Variants in USP43 observed in about 807,000 individuals in gnomAD.
The protein encoded by USP43 is ubiquitin specific peptidase 43, also known as ubiquitin carboxyl-terminal hydrolase 43.
A neutral mutation model predicts 90.7 loss-of-function variants in USP43; 33 were observed. The ratio of observed to expected loss-of-function variants is 0.36; its 90% CI spans 0.28 to 0.49. The LOEUF (loss-of-function observed/expected upper bound fraction) is 0.49, where lower values mean the gene tolerates loss of function less well. Ranked by LOEUF, USP43 falls within the 20% of genes least tolerant of loss-of-function variation. The probability of loss-of-function intolerance (pLI) is 0.98; values close to 1 mark genes in which losing one functional copy is unlikely to be tolerated. For missense variants in USP43, 1,274 were observed against 1,476.4 expected (o/e 0.86, Z 2.25); for synonymous variants, 598 against 615.8 (o/e 0.97, Z 0.43).
chr17:9,701,165 G>T lies in USP43; in HGVS notation c.1582G>T (p.Val528Leu). ...GGAGCGAGCGCAGGATGCCGACAGT[G>T]TGTGGCAGCAGCAGCAGGCGCATCA... ...QEERAQDADS[V>L]WQQQQAHQQH... Residue 528 changes from valine to leucine, a missense_variant, in exon 11 of 15, where the codon GTG becomes TTG. Val to Leu is a conservative substitution (Grantham distance 32). Around this residue, in one of 6 missense-constraint regions of USP43, gnomAD observed 253 missense variants for 276.0 expected, o/e 0.92. Transcript: ENST00000285199. The surrounding 1 kb of genome is among the most constrained non-coding windows in gnomAD (Gnocchi z 7.2). The T allele has an allele frequency of 6.5e-7, 1 of 1,534,716 alleles. No homozygotes were observed. The highest frequency in any genetic ancestry group is 8.8e-7 in the Non-Finnish European group (1 of 1,138,602).
In USP43 at chr17:9,712,065, C is replaced by T; in HGVS notation, c.2268C>T (p.Pro756=). 37 of 1,611,870 alleles carry T rather than the reference C, an allele frequency of 2.3e-5. No homozygotes were observed. Among genetic ancestry groups the T allele is most frequent in the Non-Finnish European group, 3.1e-5 (37 of 1,178,734 alleles). Residue 756 remains proline (P), a synonymous_variant, in exon 14 of 15, where the codon CCC becomes CCT. Transcript: ENST00000285199. ...GCCTGCTGTCCTGGAGCTCTGCCCC[C>T]TGCCCCTCCCTGCCCCAGGTTCCTG... ...RGSLLSWSSA[P]CPSLPQVPDS...
At position 9,728,563 on chromosome 17, in the gene USP43, G is replaced by A. The variant is rs750678717; in HGVS notation, c.2945G>A (p.Arg982His). Residue 982 changes from arginine (R) to histidine (H), a missense_variant, in exon 15 of 15, where the codon CGC (arginine) becomes CAC (histidine). By Grantham distance (29) the Arg-to-His change is conservative (BLOSUM62 0). Around this residue, in one of 6 missense-constraint regions of USP43, gnomAD observed 353 missense variants for 329.7 expected, o/e 1.07. Transcript: ENST00000285199. The surrounding 1 kb of genome is among the most constrained non-coding windows in gnomAD (Gnocchi z 6.2). The part of the protein sequence containing the change: ...MGFSGNSKDS[R>H]RGTSELDRPL... ...TTCTCTGGAAACAGCAAAGACAGTC[G>A]CCGAGGCACCTCTGAGCTAGACAGA... 11 of 1,613,854 alleles carry A rather than the reference G, an allele frequency of 6.8e-6. No homozygotes were observed. The highest frequency in any genetic ancestry group is 2.2e-5 in the South Asian group (2 of 91,078).
At chr17:9,719,054 G>T (rs1426140648) in intron 14 of USP43, among the ~76,000 whole-genome samples, 1 of 152,090 alleles carries the variant, frequency 6.6e-6, no homozygotes, top group Non-Finnish European at 1.5e-5. Flanking sequence ...CTTGAACCCA[G>T]TAGGTGGAGG....
In USP43 at chr17:9,706,631, A is replaced by ATTTTT. The variant is rs34165346; in HGVS notation, c.2012-3299_2012-3295dup. ...ATGCCATCTGCCCTATCAGATATTA[A>ATTTTT]TTTTTTTTTTTTTTTTTTTTTTTTT... On this transcript the variant is annotated intron_variant, in intron 12 of 14. Transcript: ENST00000285199. Among the ~76,000 whole-genome samples the ATTTTT allele has an allele frequency of 4.1e-4, 35 of 84,466 alleles. 1 individual carries two copies. Among genetic ancestry groups the ATTTTT allele is most frequent in the Non-Finnish European group, 5.6e-4 (25 of 44,972 alleles). The allele number at this position is 84,466 out of a possible 152,430, so 55.4% of individuals were successfully genotyped here.
chr17:9,686,239 T>G lies in USP43; in HGVS notation c.1242-559T>G, dbSNP rs1042870097. On this transcript the variant is annotated intron_variant, in intron 7 of 14. Coordinates refer to ENST00000285199, the MANE Select transcript of USP43 (RefSeq NM_153210.5). This position sits in a 1 kb window ranked among gnomAD's most constrained non-coding sequence, Gnocchi z 5.5. ...TCCACCGATGTACACTTAGGTTGAT[T>G]TGGAATCTTGGCTATTGTGAATAGC... is the stretch of plus-strand genomic sequence containing the variant. Among the ~76,000 whole-genome samples, 10 of 152,180 alleles carry G rather than the reference T, an allele frequency of 6.6e-5. No individual in the cohort carries two copies. Among genetic ancestry groups the G allele is most frequent in the Non-Finnish European group, 1.2e-4 (8 of 68,016 alleles).
In USP43 at chr17:9,645,913, G is replaced by C. The variant is rs2151957672; in HGVS notation, c.281G>C (p.Gly94Ala). The stretch of plus-strand genomic sequence containing the variant: ...CAGCTCCAGCTCCCCGCCGGCGATG[G>C]GGCGCGGCCGCCGGGCGCTCAGGGC... ...QPQLQLPAGD[G>A]ARPPGAQGLK... The change falls in exon 1 of 15, where the codon GGG becomes GCG. Residue 94 changes from glycine to alanine, a missense_variant. Coordinates refer to ENST00000285199, the MANE Select transcript of USP43 (RefSeq NM_153210.5). This position sits in a 1 kb window ranked among gnomAD's most constrained non-coding sequence, Gnocchi z 6.8. The C allele has an allele frequency of 2.0e-6, 3 of 1,472,310 alleles. No homozygotes were observed. Among genetic ancestry groups the C allele is most frequent in the Middle Eastern group, 3.7e-4 (2 of 5,466 alleles). 91.2% of individuals were successfully genotyped at this position (1,472,310 alleles called of 1,614,324 possible).
chr17:9,712,693 GAC>G (rs1416594196), intron 14 of USP43, among the ~76,000 whole-genome samples: 1 of 152,198 alleles, frequency 6.6e-6, no homozygotes, highest in African/African-American at 2.4e-5. Flanking sequence ...AGCAGGAGTG[GAC>G]AGGGGCCATG....
chr17:9,716,919 T>G (rs928704918), intron 14 of USP43, among the ~76,000 whole-genome samples: 1 of 152,150 alleles, frequency 6.6e-6, no homozygotes, highest in Admixed American at 6.5e-5. Flanking sequence ...GAGGATCACC[T>G]GAGGTCAGGA....
At chr17:9,652,523 G>A (rs138725434) in intron 1 of USP43, among the ~76,000 whole-genome samples, 1,530 of 151,964 alleles carry the variant, frequency 0.01, 17 homozygotes, top group Middle Eastern at 0.058. Context: ...CACCACGTCC[G>A]GCTAATTTTT....
chr17:9,704,269 C>CAT (rs76147551), intron 12 of USP43, among the ~76,000 whole-genome samples: 31,228 of 151,912 alleles, frequency 0.21, 5,193 homozygotes, highest in African/African-American at 0.46. Context: ...TGTCTGCAGA[C>CAT]GTGATCTTCA....
Position 9,700,261 on chromosome 17 carries a change from G to C in USP43, c.1535+12G>C. ...TCTGTCAAGGAGCGGTGAGTTCAAG[G>C]GAATTTGCCACCTGCAGAGCTGAGA... On this transcript the variant is annotated intron_variant, in intron 10 of 14. Coordinates refer to ENST00000285199, the MANE Select transcript of USP43 (RefSeq NM_153210.5). 6.3e-7 allele frequency: 1 copy of C among 1,585,644 alleles called. No homozygotes were observed. The highest frequency in any genetic ancestry group is 8.6e-7 in the Non-Finnish European group (1 of 1,165,844).
Position 9,657,926 on chromosome 17 carries a change from C to A in USP43, c.636+1392C>A, listed in dbSNP as rs114883972. On this transcript the variant is annotated intron_variant, in intron 2 of 14. Transcript: ENST00000285199. ...ATCTGCTGTAATAGAAGAGAAGTTT[C>A]ATGAGCTTTGATAATTCCATATCAA... Among the ~76,000 whole-genome samples, 705 of 152,162 alleles carry A rather than the reference C, an allele frequency of 4.6e-3. 5 individuals carry two copies. The highest frequency in any genetic ancestry group is 0.014 in the African/African-American group (561 of 41,486).
chr17:9,649,267 A>T (rs1911690100), intron 1 of USP43, among the ~76,000 whole-genome samples: 1 of 152,300 alleles, frequency 6.6e-6, no homozygotes, highest in Admixed American at 6.5e-5. Flanking sequence ...AGATCGTGCC[A>T]CTGTACTCTG....
chr17:9,693,684 A>C (rs1050950431), intron 9 of USP43, among the ~76,000 whole-genome samples: 4 of 152,002 alleles, frequency 2.6e-5, no homozygotes, highest in Non-Finnish European at 4.4e-5. Flanking sequence ...AAAAATACAA[A>C]AAAATTAGCC....
chr17:9,715,210 T>C (rs1597887332), intron 14 of USP43, among the ~76,000 whole-genome samples: 1 of 152,276 alleles, frequency 6.6e-6, no homozygotes, highest in East Asian at 1.9e-4. Flanking sequence ...CCTGGAACCC[T>C]AGCATTTTGG....
At chr17:9,718,297 C>A (rs1331384616) in intron 14 of USP43, among the ~76,000 whole-genome samples, 1 of 152,084 alleles carries the variant, frequency 6.6e-6, no homozygotes, top group Non-Finnish European at 1.5e-5. Flanking sequence ...CGTGATGCTG[C>A]AAAGATTTAC....
rs1917473873 is a variant in USP43 at position 9,729,439 on chromosome 17, G to T, written c.*449G>T. Reference sequence around the variant, plus strand: ...TATTTTATTTTTAATGCTTTTCTGGGATAAGCATTAAAGATGCCAAAAAGA... The same window carrying T: ...TATTTTATTTTTAATGCTTTTCTGGTATAAGCATTAAAGATGCCAAAAAGA... On this transcript the variant is annotated 3_prime_UTR_variant, in exon 15 of 15. Transcript: ENST00000285199. 1.4e-5 allele frequency: 2 copies of T among 147,592 alleles called. No homozygotes were observed. Among genetic ancestry groups the T allele is most frequent in the African/African-American group, 2.5e-5 (1 of 40,130 alleles). 9.1% of individuals were successfully genotyped at this position (147,592 alleles called of 1,614,324 possible).
At chr17:9,657,841 G>A (rs1912371715) in intron 2 of USP43, among the ~76,000 whole-genome samples, 1 of 152,164 alleles carries the variant, frequency 6.6e-6, no homozygotes, top group African/African-American at 2.4e-5. Flanking sequence ...TTTGGGTGGG[G>A]ACACAGAGCC....
intron 14 of USP43, among the ~76,000 whole-genome samples, chr17:9,727,660 G>A (rs911020561): frequency 6.6e-6 from 1 of 152,168 alleles, no homozygotes; most frequent in Non-Finnish European, 1.5e-5. Flanking sequence ...TCATTCTTAA[G>A]GCTAGATGCC....
Sources: allele counts gnomAD v4.1 joint callset (sites outside exome capture counted in the v4.1 genomes callset), GRCh38; gene constraint gnomAD v4.1.1; regional missense constraint gnomAD v4.1.1; non-coding constraint Gnocchi (gnomAD v3.1); transcripts MANE v1.5; gene names NCBI Gene and HGNC (gene_info 2026-07-23, HGNC 2026-07-21).